Variants in REV3L observed in about 807,000 individuals in gnomAD.
REV3L encodes the protein REV3 like, DNA directed polymerase zeta catalytic subunit.
In REV3L, 69 loss-of-function variants were observed where a neutral mutation model predicts 299.4. The ratio of observed to expected loss-of-function variants is 0.23; its 90% CI spans 0.19 to 0.28. The LOEUF is 0.28. REV3L is among the 10% of genes least tolerant of loss of function. The probability of loss-of-function intolerance (pLI) is 1.00; values close to 1 mark genes in which losing one functional copy is unlikely to be tolerated. For missense variants in REV3L, 3,128 were observed against 3,693.8 expected (o/e 0.85, Z 3.97); for synonymous variants, 1,238 against 1,271.4 (o/e 0.97, Z 0.56).
intron 15 of REV3L, among the ~76,000 whole-genome samples, chr6:111,364,294 T>C (rs1032841137): frequency 4.0e-5 from 6 of 149,104 alleles, no homozygotes; most frequent in Non-Finnish European, 9.1e-5. Context: ...TTGACCTTTC[T>C]TGGAAGTAAG....
chr6:111,375,755 G>T lies in REV3L; in HGVS notation c.2600C>A (p.Pro867His), dbSNP rs1425176478. The change falls in exon 13 of 32, where the codon CCT becomes CAT. Residue 867 changes from proline to histidine, a missense_variant. Transcript: ENST00000368802. ...ACTAGCCAATGCATTATCCTTCTCAGGATTACTATTACAAGGATTATTTTG... is the reference window on the plus strand; with the variant it reads ...ACTAGCCAATGCATTATCCTTCTCATGATTACTATTACAAGGATTATTTTG... ...FIQNNPCNSN[P>H]EKDNALASDL... The T allele has an allele frequency of 6.2e-6, 10 of 1,613,644 alleles. No homozygotes were observed. The highest frequency in any genetic ancestry group is 8.5e-6 in the Non-Finnish European group (10 of 1,179,712).
At chr6:111,330,407 C>A in intron 24 of REV3L, 1 of 401,224 alleles carries the variant, frequency 2.5e-6, no homozygotes. Context: ...TTTATGAGAA[C>A]TCCAGTAGGA....
intron 22 of REV3L, 42 bp from the exon 23 acceptor site, chr6:111,333,409 A>T (rs1206514867): frequency 1.2e-6 from 2 of 1,604,880 alleles, no homozygotes; most frequent in South Asian, 1.1e-5. Flanking sequence ...AAACACAGTT[A>T]AATATATTGG....
chr6:111,367,029 C>T, intron 14 of REV3L, 86 bp downstream of exon 14: 1 of 1,151,878 alleles, frequency 8.7e-7, no homozygotes, highest in South Asian at 2.0e-5. Context: ...ATTTAAAAAG[C>T]TCTGATTTTC....
intron 1 of REV3L, among the ~76,000 whole-genome samples, chr6:111,450,550 A>T (rs1255671008): frequency 1.3e-5 from 2 of 150,902 alleles, no homozygotes; most frequent in Non-Finnish European, 3.0e-5. Flanking sequence ...AAGCAGGCTT[A>T]TATATGTATA....
intron 3 of REV3L, 45 bp downstream of exon 3, chr6:111,411,435 C>T (rs1184735932): frequency 4.1e-6 from 5 of 1,208,796 alleles, no homozygotes; most frequent in Admixed American, 2.3e-5. Context: ...TATTAAAATA[C>T]TTCAATGATA....
intron 1 of REV3L, among the ~76,000 whole-genome samples, chr6:111,444,097 T>G (rs1342527975): frequency 6.6e-6 from 1 of 152,086 alleles, no homozygotes; most frequent in Non-Finnish European, 1.5e-5. Flanking sequence ...GACATGGAAA[T>G]GTAACATGTA....
chr6:111,333,031 T>G, intron 23 of REV3L, 92 bp downstream of exon 23: 1 of 1,431,276 alleles, frequency 7.0e-7, no homozygotes, highest in Non-Finnish European at 9.5e-7. Flanking sequence ...ATAGGGAAGG[T>G]GTCCAGAGCA....
At chr6:111,336,541 A>G (rs769162472) in intron 21 of REV3L, among the ~76,000 whole-genome samples, 2 of 152,182 alleles carry the variant, frequency 1.3e-5, no homozygotes, top group Non-Finnish European at 2.9e-5. Context: ...CCAAGAAAGT[A>G]GAGACATTGG....
chr6:111,349,293 A>G lies in REV3L; in HGVS notation c.7344T>C (p.Tyr2448=). ...TTATCTCACTCATTGTATATGATCC[A>G]TACTCATCTCTTTCAGCTGCAAATC... ...ENRFAAERDE[Y]GSYTMSEINI... The change falls in exon 20 of 32, where the codon TAT becomes TAC. Residue 2448 remains tyrosine, a synonymous_variant. Transcript: ENST00000368802. 1.2e-6 allele frequency: 2 copies of G among 1,605,792 alleles called. No homozygotes were observed. The highest frequency in any genetic ancestry group is 1.7e-6 in the Non-Finnish European group (2 of 1,174,672).
chr6:111,303,673 TTTTTTTTTTTTTTTTAACAGACTATGAC>T lies in REV3L; in HGVS notation c.9253-3545_9253-3518del, dbSNP rs1771899529. Among the ~76,000 whole-genome samples the T allele has an allele frequency of 8.5e-5, 7 of 82,122 alleles. 1 individual carries two copies. Among genetic ancestry groups the T allele is most frequent in the Non-Finnish European group, 1.6e-4 (5 of 31,544 alleles). 53.9% of individuals were successfully genotyped at this position (82,122 alleles called of 152,430 possible). On this transcript the variant is annotated intron_variant, in intron 31 of 31. Transcript: ENST00000368802. The stretch of plus-strand genomic sequence containing the variant: ...TGAGCCATGATCCCCAGCCGAGGCT[TTTTTTTTTTTTTTTTAACAGACTATGAC>T]TTTTTTTTTTTTTTTTTTTTTTTTT...
At chr6:111,355,447 TAATC>T (rs950907634) in intron 18 of REV3L, among the ~76,000 whole-genome samples, 25 of 152,276 alleles carry the variant, frequency 1.6e-4, no homozygotes, top group African/African-American at 5.3e-4. Flanking sequence ...AAGAATGAAA[TAATC>T]AATCTTTTTG....
chr6:111,300,215 C>CG, intron 31 of REV3L, 59 bp from the exon 32 acceptor site: 2 of 1,400,478 alleles, frequency 1.4e-6, no homozygotes, highest in Non-Finnish European at 1.9e-6. Context: ...TGTATGCAAA[C>CG]AACAAATTTT....
intron 23 of REV3L, among the ~76,000 whole-genome samples, chr6:111,332,099 T>A (rs981554944): frequency 5.9e-5 from 9 of 152,072 alleles, no homozygotes; most frequent in Non-Finnish European, 4.4e-5. Context: ...TGAGATGGAG[T>A]CTCGCTCTGT....
In REV3L at chr6:111,331,716, TG is replaced by T; in HGVS notation, c.7993del (p.His2665MetfsTer10). 1 of 1,613,318 alleles carries T rather than the reference TG, an allele frequency of 6.2e-7. No individual in the cohort carries two copies. Among genetic ancestry groups the T allele is most frequent in the Non-Finnish European group, 8.5e-7 (1 of 1,179,532 alleles). Reference sequence around the variant, plus strand: ...TCCATTGGGGGACACTGTGATATCATGCCTAACTTGGTAAAGTAAATCTGGA... The same window carrying T: ...TCCATTGGGGGACACTGTGATATCATCCTAACTTGGTAAAGTAAATCTGGA... ...VPPDLLYQVR[H>X]DITVSPNGVA... On this transcript the variant is annotated frameshift_variant, in exon 24 of 32. Coordinates refer to ENST00000368802, the MANE Select transcript of REV3L (RefSeq NM_001372078.1). LOFTEE classifies it high-confidence loss of function.
intron 22 of REV3L, among the ~76,000 whole-genome samples, chr6:111,334,613 TACTC>T (rs974700287): frequency 3.9e-5 from 6 of 152,168 alleles, no homozygotes; most frequent in African/African-American, 9.6e-5. Context: ...GAAAAAAAAT[TACTC>T]ACAAGAACCA....
chr6:111,419,914 G>A (rs1785137618), intron 1 of REV3L, among the ~76,000 whole-genome samples: 1 of 151,552 alleles, frequency 6.6e-6, no homozygotes, highest in South Asian at 2.1e-4. Context: ...TTGCGATCTC[G>A]GCTTGCTGCA....
chr6:111,399,793 T>C (rs1280086862), intron 4 of REV3L, among the ~76,000 whole-genome samples: 1 of 152,176 alleles, frequency 6.6e-6, no homozygotes, highest in Non-Finnish European at 1.5e-5. Context: ...ACCTCATCAC[T>C]TGGTTAAGGT....
chr6:111,339,784 C>T (rs1051468139), intron 21 of REV3L, among the ~76,000 whole-genome samples: 4 of 152,070 alleles, frequency 2.6e-5, no homozygotes, highest in African/African-American at 9.7e-5. Flanking sequence ...AATCATCATC[C>T]TTTCTACTTT....
Sources: allele counts gnomAD v4.1 joint callset (sites outside exome capture counted in the v4.1 genomes callset), GRCh38; gene constraint gnomAD v4.1.1; transcripts MANE v1.5; gene names NCBI Gene and HGNC (gene_info 2026-07-23, HGNC 2026-07-21).